The following NHERF2 variants were observed in gnomAD, a reference collection of about 807,000 sequenced individuals.
NHERF2 encodes the protein Na(+)/H(+) exchange regulatory cofactor NHE-RF2.
chr16:2,029,626 G>T, the NHERF2 span: 1 of 1,579,546 alleles, frequency 6.3e-7, no homozygotes, highest in Non-Finnish European at 8.6e-7. Context: ...CTCGGCTGCT[G>T]GTGGTGGACC....
At chr16:2,038,252 A>ATC in the NHERF2 span, 1 of 578,470 alleles carries the variant, frequency 1.7e-6, no homozygotes, top group African/African-American at 1.9e-5. Flanking sequence ...ACAGAGAGAG[A>ATC]CAGAGAGAGA....
At chr16:2,032,526 G>A in the NHERF2 span, among the ~76,000 whole-genome samples, 1 of 152,266 alleles carries the variant, frequency 6.6e-6, no homozygotes, top group Non-Finnish European at 1.5e-5. The surrounding 1 kb of genome is among the most constrained non-coding windows in gnomAD (Gnocchi z 4.0). Context: ...CAGAGCTCTG[G>A]AAGGGATGTG....
At chr16:2,028,782 G>T in the NHERF2 span, among the ~76,000 whole-genome samples, 1 of 152,166 alleles carries the variant, frequency 6.6e-6, no homozygotes, top group South Asian at 2.1e-4. Flanking sequence ...CCCTCTTCCT[G>T]CCCACTTCCC....
chr16:2,027,250 C>T, the NHERF2 span: 1 of 1,237,158 alleles, frequency 8.1e-7, no homozygotes, highest in Non-Finnish European at 1.0e-6. Flanking sequence ...CGGCCCGCCG[C>T]CCCCTCCCCG....
the NHERF2 span, chr16:2,036,436 T>C: frequency 6.2e-7 from 1 of 1,606,028 alleles, no homozygotes; most frequent in Non-Finnish European, 8.5e-7. Flanking sequence ...GGCCAGTACA[T>C]CCGCTCTGTG....
the NHERF2 span, chr16:2,036,577 G>A: frequency 2.0e-6 from 3 of 1,521,154 alleles, no homozygotes; most frequent in Non-Finnish European, 2.7e-6. Context: ...GTCCTTGCAG[G>A]GAGGAGGGAG....
chr16:2,027,765 G>C, the NHERF2 span, among the ~76,000 whole-genome samples: 7,802 of 152,234 alleles, frequency 0.051, 684 homozygotes, highest in African/African-American at 0.18. Context: ...TGGACTCCTG[G>C]GCGTATGGGA....
At chr16:2,038,319 G>A in the NHERF2 span, 3 of 520,726 alleles carry the variant, frequency 5.8e-6, no homozygotes, top group Admixed American at 2.8e-5. Flanking sequence ...GCCGGGGCCT[G>A]CTGACTGAAA....
At chr16:2,035,299 T>G in the NHERF2 span, 1 of 673,104 alleles carries the variant, frequency 1.5e-6, no homozygotes, top group Non-Finnish European at 1.8e-6. Flanking sequence ...TGGAGCGAGC[T>G]TGAAGGTGGG....
chr16:2,035,212 T>G, the NHERF2 span, among the ~76,000 whole-genome samples: 2 of 152,002 alleles, frequency 1.3e-5, no homozygotes, highest in African/African-American at 4.8e-5. Flanking sequence ...GCACTAGCTG[T>G]GTGGAGAAGG....
chr16:2,036,537 G>A, the NHERF2 span: 3 of 1,552,958 alleles, frequency 1.9e-6, no homozygotes, highest in Non-Finnish European at 2.6e-6. Context: ...GGTGCCGAGT[G>A]CCCCGCACCT....
chr16:2,030,652 A>T, the NHERF2 span, among the ~76,000 whole-genome samples: 64,475 of 145,976 alleles, frequency 0.44, 16,894 homozygotes, highest in African/African-American at 0.75. Context: ...TTCAAAGAGA[A>T]CCCTGGCCGG....
At chr16:2,033,005 C>A in the NHERF2 span, 2 of 1,166,628 alleles carry the variant, frequency 1.7e-6, no homozygotes, top group East Asian at 1.2e-4. Flanking sequence ...GGCTCTTGCT[C>A]CTCTGGAGCC....
chr16:2,028,825 CT>C, the NHERF2 span, among the ~76,000 whole-genome samples: 1 of 152,204 alleles, frequency 6.6e-6, no homozygotes, highest in Non-Finnish European at 1.5e-5. Flanking sequence ...CGGGTGTGCG[CT>C]GGCCCCCCGC....
At chr16:2,028,651 G>C in the NHERF2 span, among the ~76,000 whole-genome samples, 1 of 152,174 alleles carries the variant, frequency 6.6e-6, no homozygotes, top group Admixed American at 6.5e-5. Context: ...GGAGAGAGGA[G>C]GGCTGGGGGA....
the NHERF2 span, chr16:2,032,973 G>A: frequency 8.9e-7 from 1 of 1,119,588 alleles, no homozygotes; most frequent in Non-Finnish European, 1.1e-6. The surrounding 1 kb of genome is among the most constrained non-coding windows in gnomAD (Gnocchi z 4.0). Flanking sequence ...CGCGGTGCCT[G>A]CGGGGGCTTC....
chr16:2,038,565 G>A, the NHERF2 span: 76 of 336,072 alleles, frequency 2.3e-4, no homozygotes, highest in African/African-American at 1.2e-3. Flanking sequence ...AAGTTGGGGC[G>A]CCCAGCCTCT....
At chr16:2,035,224 C>T in the NHERF2 span, among the ~76,000 whole-genome samples, 1 of 152,134 alleles carries the variant, frequency 6.6e-6, no homozygotes, top group Non-Finnish European at 1.5e-5. Context: ...TGGAGAAGGA[C>T]CCCCTTGCTC....
At chr16:2,036,151 C>T in the NHERF2 span, 1 of 626,686 alleles carries the variant, frequency 1.6e-6, no homozygotes. Context: ...CAAGTTCCCA[C>T]AGCTAAAGCT....
Sources: gnomAD v4.1 joint callset for allele counts (sites outside exome capture counted in the v4.1 genomes callset) on GRCh38, gnomAD v4.1.1 for gene constraint, Gnocchi (gnomAD v3.1) non-coding constraint, MANE v1.5 for transcripts, NCBI Gene and HGNC (gene_info 2026-07-23, HGNC 2026-07-21) for gene names.